CWF19L2: variants seen among roughly 807,000 people sequenced by gnomAD.
CWF19L2 encodes the protein CWF19-like protein 2.
A neutral mutation model predicts 111.7 loss-of-function variants in CWF19L2; 98 were observed. The observed-to-expected ratio is 0.88, with a 90% CI of 0.75 to 1.04. The LOEUF (loss-of-function observed/expected upper bound fraction) is 1.04. Ranked by LOEUF, CWF19L2 falls within the 50% of genes least tolerant of loss-of-function variation. The pLI is 0.00. For synonymous variants in CWF19L2, 351 were observed against 342.9 expected (o/e 1.02, Z -0.26); for missense variants, 1,101 against 1,051.4 (o/e 1.05, Z -0.65).
intron 17 of CWF19L2, among the ~76,000 whole-genome samples, chr11:107,328,151 A>C (rs533451495): frequency 1.3e-5 from 2 of 152,136 alleles, no homozygotes; most frequent in East Asian, 1.9e-4. Context: ...AAAAAAAAAA[A>C]AAAAAACAAT....
At chr11:107,435,894 G>A (rs1363987056) in intron 6 of CWF19L2, among the ~76,000 whole-genome samples, 3 of 152,082 alleles carry the variant, frequency 2.0e-5, no homozygotes, top group African/African-American at 4.8e-5. Context: ...AGCGGCTCAC[G>A]CCTGTAATCC....
chr11:107,358,462 C>A (rs1490890535), intron 12 of CWF19L2, among the ~76,000 whole-genome samples: 1 of 151,876 alleles, frequency 6.6e-6, no homozygotes, highest in East Asian at 1.9e-4. Context: ...ATGGGTTGGA[C>A]AAGGTTGAGT....
At chr11:107,405,850 A>AG (rs370288784) in intron 10 of CWF19L2, among the ~76,000 whole-genome samples, 3 of 141,832 alleles carry the variant, frequency 2.1e-5, no homozygotes, top group Admixed American at 7.0e-5. Flanking sequence ...AAAAAAAAAA[A>AG]AAGAAGAAGA....
chr11:107,429,379 C>G lies in CWF19L2; in HGVS notation c.853G>C (p.Glu285Gln). The G allele has an allele frequency of 6.3e-7, 1 of 1,591,068 alleles. No individual in the cohort carries two copies. The highest frequency in any genetic ancestry group is 8.6e-7 in the Non-Finnish European group (1 of 1,166,932). Residue 285 changes from glutamate (E) to glutamine (Q), a missense_variant, in exon 8 of 18, where the codon GAA (glutamate) becomes CAA (glutamine). Transcript: ENST00000282251. The stretch of plus-strand genomic sequence containing the variant: ...GAATATGTGGGTTTCCTCCACCGTT[C>G]CCGTCTATAATCTTCTTTCGTGGAT... ...AASTKEDYRR[E>Q]RWRKPTYSDK...
intron 6 of CWF19L2, among the ~76,000 whole-genome samples, chr11:107,435,880 G>A (rs1222356780): frequency 6.6e-6 from 1 of 151,882 alleles, no homozygotes; most frequent in East Asian, 1.9e-4. Context: ...ACAAGGCCAG[G>A]TGCAGCGGCT....
intron 14 of CWF19L2, 41 bp from the exon 15 acceptor site, chr11:107,336,754 G>C: frequency 6.4e-6 from 7 of 1,102,034 alleles, no homozygotes; most frequent in Non-Finnish European, 8.9e-6. Flanking sequence ...ACACTTAAAG[G>C]AGATTCAAAA....
chr11:107,367,063 A>G (rs375330893), intron 12 of CWF19L2, among the ~76,000 whole-genome samples: 22 of 111,816 alleles, frequency 2.0e-4, no homozygotes, highest in South Asian at 3.0e-4. Flanking sequence ...GCAGCCAAAA[A>G]ACACATGAAA....
chr11:107,427,137 T>C (rs1369299523), intron 8 of CWF19L2, among the ~76,000 whole-genome samples: 2 of 152,100 alleles, frequency 1.3e-5, no homozygotes, highest in African/African-American at 2.4e-5. Context: ...CATTCACTTA[T>C]AAGACAAAGA....
chr11:107,420,353 A>G (rs149157596), intron 8 of CWF19L2, among the ~76,000 whole-genome samples: 546 of 152,266 alleles, frequency 3.6e-3, no homozygotes, highest in African/African-American at 0.012. Flanking sequence ...TAGTCAAAAG[A>G]AAGTTGAAGT....
chr11:107,440,294 T>G (rs1186304406), intron 5 of CWF19L2, among the ~76,000 whole-genome samples: 1 of 152,182 alleles, frequency 6.6e-6, no homozygotes, highest in African/African-American at 2.4e-5. Flanking sequence ...AACTTTAGTT[T>G]CCAGGAATAC....
At chr11:107,362,017 G>C (rs113595998) in intron 12 of CWF19L2, among the ~76,000 whole-genome samples, 2 of 152,206 alleles carry the variant, frequency 1.3e-5, no homozygotes, top group Non-Finnish European at 2.9e-5. Flanking sequence ...CTTGGGAAGC[G>C]CAAGGGGTCA....
At chr11:107,334,616 T>C (rs1591147096) in intron 16 of CWF19L2, among the ~76,000 whole-genome samples, 2 of 152,348 alleles carry the variant, frequency 1.3e-5, no homozygotes, top group East Asian at 3.9e-4. Context: ...CGGCAGACTC[T>C]AATAGCTGCC....
intron 12 of CWF19L2, among the ~76,000 whole-genome samples, chr11:107,355,346 T>C (rs1257978831): frequency 1.3e-5 from 2 of 150,474 alleles, no homozygotes; most frequent in Non-Finnish European, 3.0e-5. Flanking sequence ...ACCAGGGAGA[T>C]GGAGGTTGCA....
At chr11:107,331,790 T>C (rs548772906) in intron 16 of CWF19L2, among the ~76,000 whole-genome samples, 1 of 152,260 alleles carries the variant, frequency 6.6e-6, no homozygotes, top group African/African-American at 2.4e-5. Flanking sequence ...AACACACTAC[T>C]ACTTTCACAC....
At chr11:107,414,925 A>G (rs1861204511) in intron 10 of CWF19L2, among the ~76,000 whole-genome samples, 1 of 152,200 alleles carries the variant, frequency 6.6e-6, no homozygotes, top group South Asian at 2.1e-4. Flanking sequence ...TTATTACAAA[A>G]GCCCACCTCT....
At chr11:107,401,263 A>G (rs1156996790) in intron 10 of CWF19L2, among the ~76,000 whole-genome samples, 1 of 152,206 alleles carries the variant, frequency 6.6e-6, no homozygotes, top group Non-Finnish European at 1.5e-5. Flanking sequence ...ATTGGTAAAG[A>G]GGAAGTCAAA....
intron 10 of CWF19L2, chr11:107,404,172 A>T: frequency 1.3e-6 from 1 of 776,238 alleles, no homozygotes; most frequent in Non-Finnish European, 2.4e-6. Flanking sequence ...CATTTACGTA[A>T]GCAAGGTATG....
At chr11:107,396,369 T>C (rs962440168) in intron 10 of CWF19L2, among the ~76,000 whole-genome samples, 2 of 152,178 alleles carry the variant, frequency 1.3e-5, no homozygotes, top group African/African-American at 2.4e-5. Flanking sequence ...AAACTGATAA[T>C]TTGTTAAAGC....
intron 14 of CWF19L2, chr11:107,348,581 T>C (rs11212175): frequency 0.26 from 39,701 of 154,620 alleles, 5,508 homozygotes; most frequent in Non-Finnish European, 0.32. Flanking sequence ...TTTCTTTTCA[T>C]TATCTGAAAA....
Sources: gnomAD v4.1 joint callset for allele counts (sites outside exome capture counted in the v4.1 genomes callset) on GRCh38, gnomAD v4.1.1 for gene constraint, MANE v1.5 for transcripts, NCBI Gene and HGNC (gene_info 2026-07-23, HGNC 2026-07-21) for gene names.